PBX3: variants seen among roughly 807,000 people sequenced by gnomAD.
PBX3 encodes PBX homeobox 3, also known as pre-B-cell leukemia transcription factor 3.
In PBX3, 14 loss-of-function variants were observed where a neutral mutation model predicts 48.5. The observed-to-expected ratio is 0.29, with a 90% CI of 0.19 to 0.45. The LOEUF is 0.45. PBX3 is among the 20% of genes least tolerant of loss of function. PBX3 has a pLI of 1.00. For synonymous variants in PBX3, 210 were observed against 200.3 expected (o/e 1.05, Z -0.41); for missense variants, 386 against 546.7 (o/e 0.71, Z 2.93).
Position 125,790,915 on chromosome 9 carries a change from A to AT in PBX3, c.274+42308dup, listed in dbSNP as rs762775562. 5.6e-3 allele frequency among the ~76,000 whole-genome samples: 750 copies of AT among 133,910 alleles called. 1 individual carries two copies. The highest frequency in any genetic ancestry group is 0.014 in the South Asian group (59 of 4,224). The allele number at this position is 133,910 out of a possible 152,430, so 87.9% of individuals were successfully genotyped here. ...TGTTAACAATGAACCTTACCCTAAT[A>AT]TTTTTTTTTTTTTTTTGAGACAGAG... is the stretch of plus-strand genomic sequence containing the variant. On this transcript the variant is annotated intron_variant, in intron 2 of 8. Transcript: ENST00000373489.
At chr9:125,929,985 C>A in intron 4 of PBX3, 140 bp downstream of exon 4, 1 of 659,122 alleles carries the variant, frequency 1.5e-6, no homozygotes, top group Non-Finnish European at 2.6e-6. Context: ...TAATTCAACT[C>A]ATGGTTCCTG....
chr9:125,790,450 C>T (rs1189431146), intron 2 of PBX3, among the ~76,000 whole-genome samples: 2 of 151,734 alleles, frequency 1.3e-5, no homozygotes, highest in African/African-American at 2.4e-5. Flanking sequence ...GATGGGGTTT[C>T]GCCATGTTGT....
At chr9:125,877,067 G>A (rs115492817) in intron 2 of PBX3, among the ~76,000 whole-genome samples, 1 of 151,932 alleles carries the variant, frequency 6.6e-6, no homozygotes, top group Non-Finnish European at 1.5e-5. Flanking sequence ...CCACCGTGCC[G>A]GGCACATGTA....
chr9:125,908,469 T>C (rs1215628183), intron 2 of PBX3, among the ~76,000 whole-genome samples: 1 of 152,124 alleles, frequency 6.6e-6, no homozygotes, highest in South Asian at 2.1e-4. Context: ...AAACAAATGC[T>C]GAAGAGTCCT....
At chr9:125,960,659 AC>A (rs768774889) in intron 5 of PBX3, 24 bp from the exon 6 acceptor site, 1 of 1,610,658 alleles carries the variant, frequency 6.2e-7, no homozygotes, top group South Asian at 1.1e-5. Flanking sequence ...CTTCCCCTTC[AC>A]CTCCATGTCC....
chr9:125,864,369 C>A (rs894667205), intron 2 of PBX3, among the ~76,000 whole-genome samples: 1 of 152,020 alleles, frequency 6.6e-6, no homozygotes, highest in African/African-American at 2.4e-5. Context: ...GGAGTGGTTT[C>A]ATGGAAGACA....
chr9:125,816,738 C>CT (rs888280700), intron 2 of PBX3, among the ~76,000 whole-genome samples: 2 of 152,074 alleles, frequency 1.3e-5, no homozygotes, highest in Non-Finnish European at 2.9e-5. Context: ...GTCTGTCTCT[C>CT]TTTTTTGTGT....
chr9:125,874,396 G>A (rs7854649), intron 2 of PBX3, among the ~76,000 whole-genome samples: 8,339 of 152,128 alleles, frequency 0.055, 745 homozygotes, highest in African/African-American at 0.19. Flanking sequence ...GAAAATGACA[G>A]GCTAGTCTTA....
chr9:125,867,510 C>A (rs370120071), intron 2 of PBX3, among the ~76,000 whole-genome samples: 1 of 151,488 alleles, frequency 6.6e-6, no homozygotes, highest in Non-Finnish European at 1.5e-5. Flanking sequence ...CATGGAGGTG[C>A]GCACCTGTAA....
intron 2 of PBX3, among the ~76,000 whole-genome samples, chr9:125,842,272 A>G (rs1289630715): frequency 2.0e-5 from 3 of 152,168 alleles, no homozygotes; most frequent in Admixed American, 1.3e-4. Flanking sequence ...ACTTTACTCA[A>G]TTCTAGGCAA....
intron 2 of PBX3, among the ~76,000 whole-genome samples, chr9:125,772,014 G>T (rs541715000): frequency 6.6e-6 from 1 of 152,138 alleles, no homozygotes; most frequent in African/African-American, 2.4e-5. Context: ...GGGGTGGGAG[G>T]TAGGTAGGTG....
intron 5 of PBX3, among the ~76,000 whole-genome samples, chr9:125,945,247 A>G (rs1842042559): frequency 1.3e-5 from 2 of 151,716 alleles, no homozygotes; most frequent in South Asian, 2.1e-4. Context: ...AAAAAATAGC[A>G]TGTACTTCCT....
At chr9:125,910,639 A>G (rs1396118704) in intron 2 of PBX3, among the ~76,000 whole-genome samples, 8 of 151,686 alleles carry the variant, frequency 5.3e-5, no homozygotes, top group African/African-American at 1.9e-4. Context: ...TAGGAGTGAA[A>G]GTGACATTAG....
chr9:125,778,263 TC>T (rs1176202315), intron 2 of PBX3, among the ~76,000 whole-genome samples: 1 of 140,668 alleles, frequency 7.1e-6, no homozygotes, highest in African/African-American at 3.2e-5. Flanking sequence ...TGCCTGGCCC[TC>T]TTTTTTTTTT....
intron 2 of PBX3, among the ~76,000 whole-genome samples, chr9:125,882,694 T>C (rs2132355129): frequency 6.6e-6 from 1 of 152,360 alleles, no homozygotes; most frequent in Non-Finnish European, 1.5e-5. Flanking sequence ...TATTAGATGG[T>C]AGAAGTTATA....
chr9:125,935,722 T>A, intron 5 of PBX3, 115 bp downstream of exon 5: 5 of 1,048,496 alleles, frequency 4.8e-6, no homozygotes, highest in East Asian at 5.2e-5. Context: ...AAAAAAGATA[T>A]AAGGAAAATG....
At chr9:125,748,494 C>G in intron 1 of PBX3, 56 bp from the exon 2 acceptor site, 2 of 1,580,944 alleles carry the variant, frequency 1.3e-6, no homozygotes, top group Admixed American at 3.4e-5. Flanking sequence ...AAGGAAGGCG[C>G]CATATTATTC....
intron 3 of PBX3, among the ~76,000 whole-genome samples, chr9:125,917,206 G>C (rs1841353688): frequency 6.6e-6 from 1 of 152,142 alleles, no homozygotes; most frequent in African/African-American, 2.4e-5. Context: ...GTGTTTGTGT[G>C]TATTTTAAAG....
intron 5 of PBX3, among the ~76,000 whole-genome samples, chr9:125,960,349 T>C (rs1291541400): frequency 6.6e-6 from 1 of 152,370 alleles, no homozygotes; most frequent in East Asian, 1.9e-4. Flanking sequence ...TTAGCAAATA[T>C]TTCCTTCAGC....
Sources: allele counts gnomAD v4.1 joint callset (sites outside exome capture counted in the v4.1 genomes callset), GRCh38; gene constraint gnomAD v4.1.1; transcripts MANE v1.5; gene names NCBI Gene and HGNC (gene_info 2026-07-23, HGNC 2026-07-21).